Variants in C12orf42 observed in about 807,000 individuals in gnomAD.
The protein encoded by C12orf42 is uncharacterized protein C12orf42.
In C12orf42, 25 loss-of-function variants were observed where a neutral mutation model predicts 21.6. The ratio of observed to expected loss-of-function variants is 1.16; its 90% CI spans 0.84 to 1.62. C12orf42 has a LOEUF of 1.62. C12orf42 is among the 40% of genes most tolerant of loss of function. The probability of loss-of-function intolerance (pLI) is 0.00; values close to 1 mark genes in which losing one functional copy is unlikely to be tolerated. For missense variants in C12orf42, 483 were observed against 459.3 expected, an observed-to-expected ratio of 1.05 and a Z score of -0.47; for synonymous variants, 174 against 175.0, an observed-to-expected ratio of 0.99 and a Z score of 0.05.
chr12:103,295,417 T>A (rs2037196531), intron 4 of C12orf42, among the ~76,000 whole-genome samples: 1 of 152,164 alleles, frequency 6.6e-6, no homozygotes, highest in Non-Finnish European at 1.5e-5. Flanking sequence ...ATACATTGTT[T>A]TTTTTTTTAA....
At chr12:103,328,849 A>G (rs1201055145) in intron 4 of C12orf42, among the ~76,000 whole-genome samples, 1 of 152,206 alleles carries the variant, frequency 6.6e-6, no homozygotes, top group African/African-American at 2.4e-5. Context: ...GTACCTTGCA[A>G]GGAGTGAGAG....
Position 103,302,488 on chromosome 12 carries a change from T to C in C12orf42, c.703A>G (p.Thr235Ala). The change falls in exon 6 of 6, where the codon ACC (threonine) becomes GCC (alanine). Residue 235 changes from threonine (T) to alanine (A), a missense_variant. Physicochemically the swap from Thr to Ala is moderately conservative, Grantham distance 58. Transcript: ENST00000548883. ...RSQTPGALQS[T>A]GPSNTELEPE... is the part of the protein sequence containing the mutation. ...TCGAGCTCTGTGTTACTCGGGCCGG[T>C]GCTCTGCAGAGCGCCGGGCGTCTGG... The C allele has an allele frequency of 6.2e-7, 1 of 1,613,334 alleles. No homozygotes were observed. Among genetic ancestry groups the C allele is most frequent in the South Asian group, 1.1e-5 (1 of 91,048 alleles).
chr12:103,418,795 T>C (rs752493781), intron 2 of C12orf42, among the ~76,000 whole-genome samples: 7 of 152,080 alleles, frequency 4.6e-5, no homozygotes, highest in Non-Finnish European at 1.0e-4. Flanking sequence ...TAAAACTATT[T>C]TAGGAAGCTC....
At chr12:103,183,354 A>G in the C12orf42 span, among the ~76,000 whole-genome samples, 1 of 152,274 alleles carries the variant, frequency 6.6e-6, no homozygotes, top group Non-Finnish European at 1.5e-5. Flanking sequence ...TGCTGGGATT[A>G]CAGGCGTGAG....
At chr12:103,341,231 G>A (rs2042147108) in intron 4 of C12orf42, among the ~76,000 whole-genome samples, 1 of 151,854 alleles carries the variant, frequency 6.6e-6, no homozygotes, top group African/African-American at 2.4e-5. Context: ...GCACATGCCT[G>A]TAAGTCCCAG....
chr12:103,463,509 G>A (rs1952882593), intron 2 of C12orf42, among the ~76,000 whole-genome samples: 1 of 152,116 alleles, frequency 6.6e-6, no homozygotes, highest in African/African-American at 2.4e-5. Flanking sequence ...TCCAAATGTG[G>A]AATGCTATCA....
chr12:103,232,986 G>A (rs2033349961), downstream of C12orf42, among the ~76,000 whole-genome samples: 1 of 152,124 alleles, frequency 6.6e-6, no homozygotes. Flanking sequence ...GTCTAATCTG[G>A]TAAGTGAGAT....
At chr12:103,208,157 G>A in the C12orf42 span, among the ~76,000 whole-genome samples, 6 of 152,112 alleles carry the variant, frequency 3.9e-5, no homozygotes, top group South Asian at 2.1e-4. Context: ...GTCGGCTATC[G>A]ACTCCAAGCT....
chr12:103,448,630 G>T (rs1183727617), intron 2 of C12orf42, among the ~76,000 whole-genome samples: 2 of 151,896 alleles, frequency 1.3e-5, no homozygotes, highest in Non-Finnish European at 2.9e-5. Context: ...ATAACGACAT[G>T]AACAGACAGT....
intron 10 of C12orf42, among the ~76,000 whole-genome samples, chr12:103,252,963 A>T (rs2034383626): frequency 6.6e-6 from 1 of 152,072 alleles, no homozygotes. Flanking sequence ...TCTTTAATCC[A>T]TCTTGAGTTA....
the C12orf42 span, among the ~76,000 whole-genome samples, chr12:103,136,640 G>A: frequency 3.3e-5 from 5 of 152,218 alleles, no homozygotes; most frequent in Admixed American, 6.5e-5. Context: ...TATATTACAA[G>A]CTATAGTAAC....
the C12orf42 span, among the ~76,000 whole-genome samples, chr12:103,520,919 C>A: frequency 7.6e-3 from 1,151 of 152,252 alleles, 13 homozygotes; most frequent in African/African-American, 0.026. Flanking sequence ...TGAAGCCTTC[C>A]CCCAAAACTC....
At chr12:103,303,240 G>A (rs1362812398) in intron 5 of C12orf42, among the ~76,000 whole-genome samples, 1 of 151,906 alleles carries the variant, frequency 6.6e-6, no homozygotes, top group Non-Finnish European at 1.5e-5. Flanking sequence ...TGCTATATGT[G>A]TGTGTGAATA....
At chr12:103,431,971 G>A (rs954880548) in intron 2 of C12orf42, among the ~76,000 whole-genome samples, 1 of 152,130 alleles carries the variant, frequency 6.6e-6, no homozygotes, top group Non-Finnish European at 1.5e-5. Context: ...AGTACACTTC[G>A]AAGAAGGTCA....
chr12:103,049,990 T>G, the C12orf42 span, among the ~76,000 whole-genome samples: 1 of 152,324 alleles, frequency 6.6e-6, no homozygotes, highest in South Asian at 2.1e-4. Flanking sequence ...TTTACTTGGT[T>G]GGTTGGTTGT....
chr12:103,535,206 T>C, the C12orf42 span, among the ~76,000 whole-genome samples: 2 of 152,150 alleles, frequency 1.3e-5, no homozygotes, highest in African/African-American at 4.8e-5. Flanking sequence ...TTGGTACAGT[T>C]CACATAATAA....
intron 2 of C12orf42, among the ~76,000 whole-genome samples, chr12:103,462,096 G>GTTTTTTTTTTTGTTTTTTTTTTTTTT (rs1952753996): frequency 3.6e-5 from 1 of 27,732 alleles, no homozygotes; most frequent in Non-Finnish European, 6.6e-5. Context: ...TTTTTGCTTG[G>GTTTTTTTTTTTGTTTTTTTTTTTTTT]TTTTTTTTTT....
the C12orf42 span, among the ~76,000 whole-genome samples, chr12:103,114,617 C>G: frequency 6.6e-6 from 1 of 152,124 alleles, no homozygotes; most frequent in Non-Finnish European, 1.5e-5. Flanking sequence ...CCTTCTCTGC[C>G]CCTCAGCTTT....
chr12:103,264,898 G>A (rs1406875186), downstream of C12orf42, among the ~76,000 whole-genome samples: 1 of 152,040 alleles, frequency 6.6e-6, no homozygotes, highest in African/African-American at 2.4e-5. Flanking sequence ...ATGGCCCCAA[G>A]CAACATTATC....
Sources: allele counts gnomAD v4.1 joint callset (sites outside exome capture counted in the v4.1 genomes callset), GRCh38; gene constraint gnomAD v4.1.1; transcripts MANE v1.5; gene names NCBI Gene and HGNC (gene_info 2026-07-23, HGNC 2026-07-21).